SAMD12: variants seen among roughly 807,000 people sequenced by gnomAD.
SAMD12 encodes the protein sterile alpha motif domain containing 12.
In SAMD12, 9 loss-of-function variants were observed where a neutral mutation model predicts 15.0. That is an observed-to-expected ratio of 0.60 (90% CI 0.36 to 1.05). The LOEUF is 1.05. Ranked by LOEUF, SAMD12 falls within the 50% of genes least tolerant of loss-of-function variation. The pLI is 0.01. For synonymous variants in SAMD12, 86 were observed against 90.1 expected (o/e 0.96, Z 0.25); for missense variants, 230 against 234.2 (o/e 0.98, Z 0.12).
downstream of SAMD12, among the ~76,000 whole-genome samples, chr8:118,373,252 G>C (rs1221026154): frequency 6.6e-6 from 1 of 152,166 alleles, no homozygotes; most frequent in African/African-American, 2.4e-5. Flanking sequence ...CTAACTAGCT[G>C]TGTAACTAGG....
intron 3 of SAMD12, among the ~76,000 whole-genome samples, chr8:118,393,917 GAAAGGATCAC>G (rs1296692001): frequency 6.6e-6 from 1 of 152,056 alleles, no homozygotes; most frequent in Non-Finnish European, 1.5e-5. Flanking sequence ...CATTTGATCT[GAAAGGATCAC>G]AAAGCCCATA....
At chr8:118,448,629 A>G (rs1822986812) in intron 2 of SAMD12, among the ~76,000 whole-genome samples, 1 of 152,138 alleles carries the variant, frequency 6.6e-6, no homozygotes, top group Non-Finnish European at 1.5e-5. Flanking sequence ...CTCCGATTAG[A>G]TTTCTCCTAT....
At chr8:118,574,818 C>T (rs966745574) in intron 2 of SAMD12, among the ~76,000 whole-genome samples, 4 of 152,124 alleles carry the variant, frequency 2.6e-5, no homozygotes, top group African/African-American at 9.7e-5. Context: ...TGTGTCCTTT[C>T]CTATCATGGG....
intron 1 of SAMD12, among the ~76,000 whole-genome samples, chr8:118,619,478 C>CAT (rs1828335793): frequency 1.8e-5 from 2 of 112,218 alleles, no homozygotes; most frequent in African/African-American, 7.1e-5. Flanking sequence ...GACTCTGTCT[C>CAT]AAAAAAAAAA....
chr8:118,278,184 T>G (rs1366109570), intron 4 of SAMD12, among the ~76,000 whole-genome samples: 2 of 152,236 alleles, frequency 1.3e-5, no homozygotes, highest in Admixed American at 1.3e-4. Flanking sequence ...TGAGAGTAAT[T>G]AAGTCTTTCA....
intron 2 of SAMD12, among the ~76,000 whole-genome samples, chr8:118,527,621 C>T (rs1480305240): frequency 6.6e-6 from 1 of 152,126 alleles, no homozygotes; most frequent in Admixed American, 6.6e-5. Context: ...GCTATCTTTG[C>T]CTATTTCTTG....
downstream of SAMD12, among the ~76,000 whole-genome samples, chr8:118,375,498 A>AGGTT (rs1819340146): frequency 6.6e-6 from 1 of 152,162 alleles, no homozygotes; most frequent in Non-Finnish European, 1.5e-5. Context: ...TAAATGTATG[A>AGGTT]GGTTGATTAA....
chr8:118,560,780 A>G (rs1277805125), intron 2 of SAMD12, among the ~76,000 whole-genome samples: 1 of 152,198 alleles, frequency 6.6e-6, no homozygotes, highest in Non-Finnish European at 1.5e-5. Context: ...CATGATATAA[A>G]TCCAAATATC....
At chr8:118,597,302 G>A (rs796652169) in intron 1 of SAMD12, among the ~76,000 whole-genome samples, 5 of 152,326 alleles carry the variant, frequency 3.3e-5, no homozygotes, top group African/African-American at 1.2e-4. Flanking sequence ...GTAGAAGGAT[G>A]TACTGTAGTG....
At chr8:118,374,751 C>G (rs187026797), downstream of SAMD12, among the ~76,000 whole-genome samples, 20 of 152,114 alleles carry the variant, frequency 1.3e-4, no homozygotes, top group African/African-American at 4.1e-4. Context: ...ACTTCATACG[C>G]CTATTGGCCA....
intron 2 of SAMD12, among the ~76,000 whole-genome samples, chr8:118,446,285 G>A (rs894717170): frequency 2.6e-5 from 4 of 151,296 alleles, no homozygotes; most frequent in African/African-American, 4.9e-5. Context: ...ATTATTAATG[G>A]ACTTTAAAAT....
Position 118,582,850 on chromosome 8 carries a change from G to A in SAMD12, c.14-1957C>T, listed in dbSNP as rs143181029. Among the ~76,000 whole-genome samples the A allele has an allele frequency of 6.2e-3, 933 of 151,060 alleles. 20 individuals are homozygous for A. Among genetic ancestry groups the A allele is most frequent in the Admixed American group, 0.04 (607 of 15,188 alleles). On this transcript the variant is annotated intron_variant, in intron 1 of 3. Coordinates refer to ENST00000314727, the MANE Select transcript of SAMD12 (RefSeq NM_207506.3). ...TGACAGAACAAGAAGTCCAGTGATG[G>A]CACAAGTTCAGAATTAGCTGATTTG...
intron 4 of SAMD12, among the ~76,000 whole-genome samples, chr8:118,329,218 G>T (rs1424967735): frequency 6.6e-6 from 1 of 152,132 alleles, no homozygotes; most frequent in Admixed American, 6.5e-5. Context: ...TTGGACATAA[G>T]GTCATCTAAG....
At chr8:118,156,149 T>C in the SAMD12 span, among the ~76,000 whole-genome samples, 1 of 152,206 alleles carries the variant, frequency 6.6e-6, no homozygotes, top group Admixed American at 6.5e-5. Flanking sequence ...GCTGTATCTA[T>C]TATTCCAGCT....
intron 2 of SAMD12, among the ~76,000 whole-genome samples, chr8:118,494,170 C>T (rs774659316): frequency 2.0e-5 from 3 of 152,190 alleles, no homozygotes; most frequent in South Asian, 4.1e-4. Context: ...TGGAAGGGGC[C>T]GCAAGCCAAA....
chr8:118,536,851 C>G (rs56388205), intron 2 of SAMD12, among the ~76,000 whole-genome samples: 2,237 of 152,280 alleles, frequency 0.015, 49 homozygotes, highest in African/African-American at 0.052. Flanking sequence ...TGTGTACTTA[C>G]TATTAACAGT....
At chr8:118,321,144 A>AATAAATAAATAAATAT (rs57107358) in intron 4 of SAMD12, among the ~76,000 whole-genome samples, 4 of 94,500 alleles carry the variant, frequency 4.2e-5, no homozygotes, top group East Asian at 4.2e-4. Flanking sequence ...ATAGATAATA[A>AATAAATAAATAAATAT]ATATATATAT....
rs1819543304 is a variant in SAMD12 at position 118,379,304 on chromosome 8, T to G, written c.*113A>C. ...TTGTGCAGTACACAATCCATACAAC[T>G]GTACGTGACCACCTTGAAGTTAGCT... On this transcript the variant is annotated 3_prime_UTR_variant, in exon 4 of 4. Coordinates refer to ENST00000314727, the MANE Select transcript of SAMD12 (RefSeq NM_207506.3). The G allele has an allele frequency of 1.4e-6, 2 of 1,479,738 alleles. No homozygotes were observed. The highest frequency in any genetic ancestry group is 4.9e-5 in the East Asian group (2 of 41,132). 91.7% of individuals were successfully genotyped at this position (1,479,738 alleles called of 1,614,324 possible).
intron 2 of SAMD12, among the ~76,000 whole-genome samples, chr8:118,480,040 A>C (rs1221439301): frequency 1.3e-5 from 2 of 152,232 alleles, no homozygotes; most frequent in African/African-American, 4.8e-5. Context: ...TATAAAACAA[A>C]GAAAAAATTA....
Sources: allele counts gnomAD v4.1 joint callset (sites outside exome capture counted in the v4.1 genomes callset), GRCh38; gene constraint gnomAD v4.1.1; transcripts MANE v1.5; gene names NCBI Gene and HGNC (gene_info 2026-07-23, HGNC 2026-07-21).